The following PARD3 variants were observed in gnomAD, a reference collection of about 807,000 sequenced individuals.
PARD3 encodes partitioning defective 3 homolog.
A neutral mutation model predicts 155.4 loss-of-function variants in PARD3; 75 were observed. The observed-to-expected ratio is 0.48, with a 90% CI of 0.40 to 0.58. The LOEUF is 0.58. Ranked by LOEUF, PARD3 falls within the 20% of genes least tolerant of loss-of-function variation. PARD3 has a pLI of 0.00. For missense variants in PARD3, 1,642 were observed against 1,721.7 expected (o/e 0.95, Z 0.82); for synonymous variants, 576 against 610.5 (o/e 0.94, Z 0.83).
intron 2 of PARD3, among the ~76,000 whole-genome samples, chr10:34,518,744 A>G (rs7922560): frequency 0.016 from 2,412 of 152,322 alleles, 66 homozygotes; most frequent in African/African-American, 0.055. Context: ...AACCTCCACC[A>G]TAAAAATCGT....
At chr10:34,460,321 C>T (rs766702235) in intron 4 of PARD3, among the ~76,000 whole-genome samples, 1 of 152,082 alleles carries the variant, frequency 6.6e-6, no homozygotes, top group South Asian at 2.1e-4. Context: ...CAAAAAAACA[C>T]AATCTAACTA....
In PARD3 at chr10:34,605,574, A is replaced by C. The variant is rs532145779; in HGVS notation, c.223-88415T>G. On this transcript the variant is annotated intron_variant, in intron 2 of 24. Coordinates refer to ENST00000374788, the MANE Select transcript of PARD3 (RefSeq NM_001184785.2). The stretch of plus-strand genomic sequence containing the variant: ...ATATATATCTCCTATATATATATAT[A>C]TCTCCTATATATATCTCCTATATAT... Among the ~76,000 whole-genome samples, 29 of 44,420 alleles carry C rather than the reference A, an allele frequency of 6.5e-4. 3 individuals carry two copies. Among genetic ancestry groups the C allele is most frequent in the Admixed American group, 9.2e-4 (4 of 4,364 alleles). The allele number at this position is 44,420 out of a possible 152,430, so 29.1% of individuals were successfully genotyped here. A position where few individuals can be genotyped will look rare whatever the true frequency, so the allele number is the denominator to read the frequency against.
intron 2 of PARD3, among the ~76,000 whole-genome samples, chr10:34,538,570 T>A (rs940108720): frequency 6.6e-6 from 1 of 152,194 alleles, no homozygotes; most frequent in Non-Finnish European, 1.5e-5. Context: ...CAGAGGTGGC[T>A]GTAAGTTTCA....
chr10:34,119,303 G>A (rs1011800346), intron 24 of PARD3, among the ~76,000 whole-genome samples: 1 of 152,174 alleles, frequency 6.6e-6, no homozygotes, highest in African/African-American at 2.4e-5. Flanking sequence ...TTCAGATGAA[G>A]ATACTGTCTT....
chr10:34,687,031 A>G (rs1395528956), intron 2 of PARD3, among the ~76,000 whole-genome samples: 1 of 152,174 alleles, frequency 6.6e-6, no homozygotes, highest in Non-Finnish European at 1.5e-5. Context: ...TCCGGGCGAC[A>G]GAGCAAGACT....
At chr10:34,242,044 A>G (rs773595226) in intron 22 of PARD3, among the ~76,000 whole-genome samples, 4 of 152,206 alleles carry the variant, frequency 2.6e-5, no homozygotes, top group Non-Finnish European at 5.9e-5. Flanking sequence ...AGGTATACTT[A>G]TGATAACCAG....
chr10:34,362,739 C>T (rs574590146), intron 12 of PARD3, among the ~76,000 whole-genome samples: 7 of 152,314 alleles, frequency 4.6e-5, no homozygotes, highest in Admixed American at 2.0e-4. Context: ...AAGCAATCCA[C>T]GCACTTTGGC....
intron 2 of PARD3, among the ~76,000 whole-genome samples, chr10:34,552,662 T>C (rs1018701649): frequency 1.3e-4 from 20 of 151,578 alleles, no homozygotes; most frequent in African/African-American, 4.9e-4. Flanking sequence ...TACAGTGAGC[T>C]GAGGCCTCAC....
chr10:34,810,144 C>T (rs976017384), intron 1 of PARD3, among the ~76,000 whole-genome samples: 7 of 152,138 alleles, frequency 4.6e-5, no homozygotes, highest in Admixed American at 3.9e-4. Context: ...ATCCAAAATA[C>T]TCCAAAATCT....
chr10:34,628,534 C>A (rs569103405), intron 2 of PARD3, among the ~76,000 whole-genome samples: 4 of 152,204 alleles, frequency 2.6e-5, no homozygotes, highest in Non-Finnish European at 5.9e-5. Flanking sequence ...CAGCTGCAGT[C>A]GGTACAGAAA....
At chr10:34,636,447 T>G (rs1163812839) in intron 2 of PARD3, among the ~76,000 whole-genome samples, 1 of 152,122 alleles carries the variant, frequency 6.6e-6, no homozygotes, top group Non-Finnish European at 1.5e-5. Flanking sequence ...GTCCAGTCCC[T>G]CCACCCCACC....
At chr10:34,401,415 G>T (rs1360930976) in intron 6 of PARD3, among the ~76,000 whole-genome samples, 2 of 152,082 alleles carry the variant, frequency 1.3e-5, no homozygotes, top group Non-Finnish European at 2.9e-5. Context: ...ATGCTAACAT[G>T]ATCTAACTAG....
intron 3 of PARD3, among the ~76,000 whole-genome samples, chr10:34,490,665 T>C (rs560827517): frequency 6.6e-6 from 1 of 152,320 alleles, no homozygotes; most frequent in South Asian, 2.1e-4. Flanking sequence ...TAAGATAATA[T>C]ACTTAGCACT....
chr10:34,376,439 G>T (rs761059439), intron 10 of PARD3, among the ~76,000 whole-genome samples: 5 of 152,122 alleles, frequency 3.3e-5, no homozygotes, highest in Non-Finnish European at 5.9e-5. Flanking sequence ...GGACTCAGAA[G>T]ACAGGAGGAC....
chr10:34,305,526 C>T (rs1449776851), intron 20 of PARD3, among the ~76,000 whole-genome samples: 1 of 152,196 alleles, frequency 6.6e-6, no homozygotes, highest in Non-Finnish European at 1.5e-5. Context: ...CGTTTTCAGG[C>T]GTAGGCAGAC....
chr10:34,235,383 T>TA (rs1953164100), intron 22 of PARD3, among the ~76,000 whole-genome samples: 1 of 152,218 alleles, frequency 6.6e-6, no homozygotes, highest in African/African-American at 2.4e-5. Context: ...CATAGGTTGG[T>TA]AAGATTCTAG....
rs768850296 is a variant in PARD3, at chr10:34,414,222, TA to T, written c.715-12306del. 1.8e-3 allele frequency among the ~76,000 whole-genome samples: 251 copies of T among 139,566 alleles called. 1 individual carries two copies. Among genetic ancestry groups the T allele is most frequent in the African/African-American group, 2.2e-3 (83 of 38,270 alleles). 91.6% of individuals were successfully genotyped at this position (139,566 alleles called of 152,430 possible). A position where few individuals can be genotyped will look rare whatever the true frequency, so the allele number is the denominator to read the frequency against. On this transcript the variant is annotated intron_variant, in intron 5 of 24. Coordinates refer to ENST00000374788, the MANE Select transcript of PARD3 (RefSeq NM_001184785.2). ...GGTGACAGAGCAAGACCCTCGCTCT[TA>T]AAAAAAAAAAGGGAGGGGGGAGAAA...
intron 2 of PARD3, among the ~76,000 whole-genome samples, chr10:34,571,060 C>T (rs1277437004): frequency 6.6e-6 from 1 of 152,098 alleles, no homozygotes; most frequent in Non-Finnish European, 1.5e-5. Context: ...GCCTGGAATC[C>T]CAACTTTGGG....
intron 2 of PARD3, among the ~76,000 whole-genome samples, chr10:34,587,776 G>A (rs1372449814): frequency 6.6e-6 from 1 of 152,116 alleles, no homozygotes; most frequent in Non-Finnish European, 1.5e-5. Context: ...CTAGTTAGAA[G>A]TATAAGGATT....
Sources: allele counts gnomAD v4.1 joint callset (sites outside exome capture counted in the v4.1 genomes callset), GRCh38; gene constraint gnomAD v4.1.1; transcripts MANE v1.5; gene names NCBI Gene and HGNC (gene_info 2026-07-23, HGNC 2026-07-21).